Variants in SLC22A2 observed in about 807,000 individuals in gnomAD.
The protein encoded by SLC22A2 is organic cation transporter 2.
SLC22A2 carries 46 observed loss-of-function variants against 60.5 expected under a neutral mutation model. The observed-to-expected ratio is 0.76, with a 90% CI of 0.60 to 0.97. The LOEUF is 0.97. SLC22A2 is among the 50% of genes least tolerant of loss of function. The probability of loss-of-function intolerance (pLI) is 0.00; values close to 1 mark genes in which losing one functional copy is unlikely to be tolerated. For missense variants in SLC22A2, 701 were observed against 706.6 expected (o/e 0.99, Z 0.09); for synonymous variants, 303 against 267.0 (o/e 1.13, Z -1.31).
intron 10 of SLC22A2, among the ~76,000 whole-genome samples, chr6:160,219,917 G>T (rs1305980095): frequency 6.6e-6 from 1 of 152,182 alleles, no homozygotes; most frequent in Non-Finnish European, 1.5e-5. Context: ...TCAATTTGTG[G>T]TAATCTTGCT....
intron 9 of SLC22A2, among the ~76,000 whole-genome samples, chr6:160,237,686 A>G (rs113712815): frequency 3.3e-5 from 5 of 152,220 alleles, no homozygotes; most frequent in African/African-American, 1.2e-4. Flanking sequence ...TTTGAACCAG[A>G]GAAACTTTAT....
chr6:160,258,557 A>G lies in SLC22A2; in HGVS notation c.201T>C (p.Pro67=), dbSNP rs1163518300. Residue 67 remains proline (P), a synonymous_variant, in exon 1 of 11, where the codon CCT becomes CCC. Coordinates refer to ENST00000366953, the MANE Select transcript of SLC22A2 (RefSeq NM_003058.4). The stretch of plus-strand genomic sequence containing the variant: ...GCACCGTGTAGTTCAGTTCCTCTGC[A>G]GGACTCCAGCCGCAGCGCAGACTCA... ...AELSLRCGWS[P]AEELNYTVPG... 1.9e-6 allele frequency: 3 copies of G among 1,613,734 alleles called. No homozygotes were observed. The highest frequency in any genetic ancestry group is 8.5e-7 in the Non-Finnish European group (1 of 1,179,856).
At chr6:160,222,850 C>G (rs1400242200) in intron 10 of SLC22A2, among the ~76,000 whole-genome samples, 1 of 152,200 alleles carries the variant, frequency 6.6e-6, no homozygotes, top group African/African-American at 2.4e-5. Flanking sequence ...ACCAAATCTT[C>G]TGCTTTTTAA....
chr6:160,228,923 G>C (rs571315490), intron 9 of SLC22A2, among the ~76,000 whole-genome samples: 1 of 149,490 alleles, frequency 6.7e-6, no homozygotes, highest in African/African-American at 2.5e-5. Flanking sequence ...CCTATAAAAC[G>C]GCCCCACCCC....
Position 160,242,403 on chromosome 6 carries a change from C to T in SLC22A2, c.1280-1G>A. The T allele has an allele frequency of 6.6e-7, 1 of 1,515,940 alleles. No individual in the cohort carries two copies. Among genetic ancestry groups the T allele is most frequent in the South Asian group, 1.1e-5 (1 of 89,006 alleles). The allele number at this position is 1,515,940 out of a possible 1,614,324, so 93.9% of individuals were successfully genotyped here. Reference sequence around the variant, plus strand: ...ATAATAATTTTTAGCCATTGTAGATCTAAGAGGGAAAAGAACAGTACTTAT... The same window carrying T: ...ATAATAATTTTTAGCCATTGTAGATTTAAGAGGGAAAAGAACAGTACTTAT... On this transcript the variant is annotated splice_acceptor_variant, in intron 7 of 10. Coordinates refer to ENST00000366953, the MANE Select transcript of SLC22A2 (RefSeq NM_003058.4). LOFTEE classifies it high-confidence loss of function.
chr6:160,235,762 T>C (rs972740125), intron 9 of SLC22A2, among the ~76,000 whole-genome samples: 4 of 151,948 alleles, frequency 2.6e-5, no homozygotes, highest in Non-Finnish European at 5.9e-5. Context: ...TACCTTATGG[T>C]CAAACATTAA....
chr6:160,245,546 C>T lies in SLC22A2; in HGVS notation c.958-1G>A, dbSNP rs996556698. Reference sequence around the variant, plus strand: ...CAGTTTCCTCTTCAAGTCTCAGGCGCTAAGAAAAGGAATAGAAAGGACGGC... The same window carrying T: ...CAGTTTCCTCTTCAAGTCTCAGGCGTTAAGAAAAGGAATAGAAAGGACGGC... On this transcript the variant is annotated splice_acceptor_variant, in intron 5 of 10. Transcript: ENST00000366953. LOFTEE classifies it high-confidence loss of function. 1.9e-6 allele frequency: 3 copies of T among 1,600,572 alleles called. No individual in the cohort carries two copies. The highest frequency in any genetic ancestry group is 2.6e-6 in the Non-Finnish European group (3 of 1,169,666).
chr6:160,228,453 C>T (rs1009227690), intron 9 of SLC22A2, among the ~76,000 whole-genome samples: 1 of 152,182 alleles, frequency 6.6e-6, no homozygotes, highest in Non-Finnish European at 1.5e-5. Context: ...TGAGGACTAA[C>T]TTAGAAAGGC....
intron 9 of SLC22A2, among the ~76,000 whole-genome samples, chr6:160,229,026 G>A (rs1404391435): frequency 6.6e-6 from 1 of 151,858 alleles, no homozygotes; most frequent in Non-Finnish European, 1.5e-5. Context: ...CTGTTTGGTG[G>A]TCTCTTCACA....
intron 9 of SLC22A2, among the ~76,000 whole-genome samples, chr6:160,231,528 C>T (rs1782823860): frequency 6.6e-6 from 1 of 151,916 alleles, no homozygotes; most frequent in Non-Finnish European, 1.5e-5. Flanking sequence ...AGCCTGTTAT[C>T]ACTCACCTGC....
intron 4 of SLC22A2, among the ~76,000 whole-genome samples, chr6:160,248,863 C>T (rs1783138170): frequency 2.0e-5 from 3 of 152,188 alleles, no homozygotes; most frequent in Non-Finnish European, 4.4e-5. Context: ...AAAGTTTCCT[C>T]TGAGTGGGGA....
At chr6:160,223,195 T>TG (rs1782670320) in intron 10 of SLC22A2, among the ~76,000 whole-genome samples, 1 of 152,196 alleles carries the variant, frequency 6.6e-6, no homozygotes, top group Non-Finnish European at 1.5e-5. Context: ...AACAAACTTG[T>TG]GGGGAGAGTG....
intron 2 of SLC22A2, among the ~76,000 whole-genome samples, chr6:160,252,596 G>A (rs1329937494): frequency 1.3e-5 from 2 of 152,156 alleles, no homozygotes; most frequent in African/African-American, 4.8e-5. Flanking sequence ...CAGGAAGGGT[G>A]GACTCCCCAT....
intron 5 of SLC22A2, 49 bp downstream of exon 5, chr6:160,247,135 G>T (rs1783107270): frequency 9.4e-7 from 1 of 1,069,274 alleles, no homozygotes; most frequent in Non-Finnish European, 1.5e-6. Context: ...TCTTACCAGA[G>T]CCTCCCTTTT....
At chr6:160,241,058 C>CT (rs11397542) in intron 9 of SLC22A2, among the ~76,000 whole-genome samples, 133,621 of 152,132 alleles carry the variant, frequency 0.88, 58,875 homozygotes, top group East Asian at 0.97. Context: ...AGTAAAAGGG[C>CT]TTGTGTTTTA....
At chr6:160,217,904 C>T (rs1371257565) in intron 10 of SLC22A2, 1 of 156,892 alleles carries the variant, frequency 6.4e-6, no homozygotes, top group Non-Finnish European at 1.4e-5. Context: ...TTTTCAACAG[C>T]TTGATAAATG....
At chr6:160,244,457 G>A (rs1783060216) in intron 6 of SLC22A2, 1 of 152,158 alleles carries the variant, frequency 6.6e-6, no homozygotes, top group Non-Finnish European at 1.5e-5. Context: ...GTATTCTAGT[G>A]CAATTGGGAT....
chr6:160,231,411 C>T (rs1375045771), intron 9 of SLC22A2, among the ~76,000 whole-genome samples: 1 of 151,764 alleles, frequency 6.6e-6, no homozygotes, highest in Non-Finnish European at 1.5e-5. Context: ...CCTCTACTCC[C>T]TCCCTGGCAA....
chr6:160,222,283 A>G (rs1260033244), intron 10 of SLC22A2, among the ~76,000 whole-genome samples: 1 of 152,186 alleles, frequency 6.6e-6, no homozygotes, highest in Non-Finnish European at 1.5e-5. Flanking sequence ...TTCTTCTTTA[A>G]TCCAGTGAGT....
Sources: allele counts gnomAD v4.1 joint callset (sites outside exome capture counted in the v4.1 genomes callset), GRCh38; gene constraint gnomAD v4.1.1; transcripts MANE v1.5; gene names NCBI Gene and HGNC (gene_info 2026-07-23, HGNC 2026-07-21).